PCDH7: variants seen among roughly 807,000 people sequenced by gnomAD.
PCDH7 encodes protocadherin-7.
In PCDH7, 17 loss-of-function variants were observed where a neutral mutation model predicts 58.9. The observed-to-expected ratio is 0.29, with a 90% CI of 0.20 to 0.43. The LOEUF (loss-of-function observed/expected upper bound fraction) is 0.43, where lower values mean the gene tolerates loss of function less well. Among genes scored for constraint, PCDH7 ranks in the 20% least tolerant of loss-of-function variants. PCDH7 has a pLI of 1.00. For synonymous variants in PCDH7, 664 were observed against 616.4 expected (o/e 1.08, Z -1.14); for missense variants, 1,274 against 1,441.0 (o/e 0.88, Z 1.88).
chr4:30,774,455 A>C (rs1721809359), intron 1 of PCDH7, among the ~76,000 whole-genome samples: 3 of 152,326 alleles, frequency 2.0e-5, no homozygotes, highest in Middle Eastern at 3.4e-3. Flanking sequence ...TTACAGAAAA[A>C]AATTCTTGAA....
chr4:30,761,556 T>C (rs1720021268), intron 1 of PCDH7, among the ~76,000 whole-genome samples: 1 of 152,126 alleles, frequency 6.6e-6, no homozygotes, highest in Admixed American at 6.5e-5. Flanking sequence ...AAATCTGATA[T>C]ATATTTTATA....
intron 2 of PCDH7, among the ~76,000 whole-genome samples, chr4:30,936,651 A>C (rs1228471540): frequency 6.6e-6 from 1 of 151,280 alleles, no homozygotes. Flanking sequence ...TGTTTTTTGC[A>C]TAAAGCAATA....
chr4:30,934,981 G>A (rs1033857450), intron 2 of PCDH7, among the ~76,000 whole-genome samples: 1 of 151,998 alleles, frequency 6.6e-6, no homozygotes, highest in Non-Finnish European at 1.5e-5. Context: ...AAAGGTTTAT[G>A]TGCAGTTGGA....
chr4:31,090,188 T>A (rs1713045254), intron 3 of PCDH7, among the ~76,000 whole-genome samples: 1 of 151,998 alleles, frequency 6.6e-6, no homozygotes, highest in African/African-American at 2.4e-5. Flanking sequence ...TGAGAGAGGA[T>A]CCTTGGAAGT....
rs550224931 is a variant in PCDH7 at position 31,016,853 on chromosome 4, GGT to G, written c.*7+66650_*7+66651del. On this transcript the variant is annotated intron_variant, in intron 3 of 3. Transcript: ENST00000509759. ...GTGTGTGTGCTGGGTGTGTGTGCTG[GGT>G]GTGTGTGTGTGCTGAGTGTGTGTGC... 1.0e-3 allele frequency among the ~76,000 whole-genome samples: 153 copies of G among 148,102 alleles called. 1 individual carries two copies. The highest frequency in any genetic ancestry group is 1.5e-3 in the Non-Finnish European group (99 of 66,492).
intron 1 of PCDH7, among the ~76,000 whole-genome samples, chr4:30,857,635 T>C (rs1733646411): frequency 6.6e-6 from 1 of 152,120 alleles, no homozygotes; most frequent in South Asian, 2.1e-4. Flanking sequence ...ACTCAGGTTG[T>C]CCTGCCAAGG....
At chr4:31,069,045 G>A (rs966206530) in intron 3 of PCDH7, among the ~76,000 whole-genome samples, 4 of 152,032 alleles carry the variant, frequency 2.6e-5, no homozygotes, top group Non-Finnish European at 4.4e-5. Flanking sequence ...TAATATCTGT[G>A]TGTGTGCGTG....
intron 1 of PCDH7, among the ~76,000 whole-genome samples, chr4:30,848,871 G>A (rs567961308): frequency 6.6e-6 from 1 of 152,074 alleles, no homozygotes; most frequent in South Asian, 2.1e-4. Flanking sequence ...TGGCCCTGAC[G>A]GTGGGGCTTT....
At chr4:30,902,715 A>G (rs112346187) in intron 1 of PCDH7, among the ~76,000 whole-genome samples, 1 of 152,104 alleles carries the variant, frequency 6.6e-6, no homozygotes, top group East Asian at 1.9e-4. Context: ...TCATAAGGAA[A>G]AAAGTTTAAA....
In PCDH7 at chr4:30,721,573, G is replaced by A; in HGVS notation, c.151G>A (p.Val51Met). 1 of 1,607,972 alleles carries A rather than the reference G, an allele frequency of 6.2e-7. No homozygotes were observed. Among genetic ancestry groups the A allele is most frequent in the South Asian group, 1.1e-5 (1 of 91,048 alleles). The change falls in exon 1 of 2, where the codon GTG (valine) becomes ATG (methionine). Residue 51 changes from valine (V) to methionine (M), a missense_variant. Physicochemically the swap from Val to Met is conservative, Grantham distance 21. Coordinates refer to ENST00000361762, the Ensembl canonical transcript of PCDH7. The surrounding 1 kb of genome is among the most constrained non-coding windows in gnomAD (Gnocchi z 6.7). ...CCCCGCCGACGTCCGCATCGGCAAC[G>A]TGGCTTCAGACCTGGGCATCGTGAC...
chr4:30,965,617 T>A (rs1748927299), intron 3 of PCDH7, among the ~76,000 whole-genome samples: 1 of 152,116 alleles, frequency 6.6e-6, no homozygotes, highest in East Asian at 1.9e-4. Flanking sequence ...TGAGAGATGT[T>A]ATCTCATGCT....
At chr4:30,882,980 G>A (rs75171803) in intron 1 of PCDH7, among the ~76,000 whole-genome samples, 3,567 of 152,232 alleles carry the variant, frequency 0.023, 139 homozygotes, top group African/African-American at 0.081. Context: ...CTCAAAGAGC[G>A]GCAATTTCCC....
chr4:31,079,354 AT>A (rs2109265960), intron 3 of PCDH7, among the ~76,000 whole-genome samples: 2 of 105,696 alleles, frequency 1.9e-5, no homozygotes, highest in Non-Finnish European at 3.8e-5. Flanking sequence ...ATATATATAT[AT>A]ATATATATAC....
At chr4:30,739,431 A>G (rs375651084) in intron 1 of PCDH7, among the ~76,000 whole-genome samples, 7 of 148,364 alleles carry the variant, frequency 4.7e-5, no homozygotes, top group Admixed American at 3.3e-4. Context: ...ATGATGGTAT[A>G]AACAAATATA....
chr4:30,726,016 A>T (rs1035217531), intron 1 of PCDH7, among the ~76,000 whole-genome samples: 2 of 152,092 alleles, frequency 1.3e-5, no homozygotes, highest in Non-Finnish European at 2.9e-5. Flanking sequence ...GGCTTTTGAA[A>T]ATATGTCCTT....
At chr4:30,941,414 C>G (rs1453461375) in intron 2 of PCDH7, among the ~76,000 whole-genome samples, 1 of 151,836 alleles carries the variant, frequency 6.6e-6, no homozygotes, top group Non-Finnish European at 1.5e-5. Flanking sequence ...TAATCTTATT[C>G]AAGACTGAAG....
intron 3 of PCDH7, among the ~76,000 whole-genome samples, chr4:31,045,925 G>A (rs1035131130): frequency 1.3e-5 from 2 of 151,898 alleles, no homozygotes; most frequent in African/African-American, 4.8e-5. Flanking sequence ...CCTCCAGAGG[G>A]CACTGTCACC....
chr4:30,984,234 C>T (rs1160527581), intron 3 of PCDH7, among the ~76,000 whole-genome samples: 1 of 152,084 alleles, frequency 6.6e-6, no homozygotes, highest in African/African-American at 2.4e-5. Flanking sequence ...AAAATCTTGC[C>T]TCGTAACTAG....
intron 3 of PCDH7, among the ~76,000 whole-genome samples, chr4:31,023,049 G>A (rs1012917214): frequency 1.5e-4 from 23 of 152,126 alleles, no homozygotes; most frequent in Non-Finnish European, 3.1e-4. Flanking sequence ...AAATGAGAGC[G>A]AAACCGGCAA....
Sources: gnomAD v4.1 joint callset for allele counts (sites outside exome capture counted in the v4.1 genomes callset) on GRCh38, gnomAD v4.1.1 for gene constraint, Gnocchi (gnomAD v3.1) non-coding constraint, MANE v1.5 for transcripts, NCBI Gene and HGNC (gene_info 2026-07-23, HGNC 2026-07-21) for gene names.